CCDC77: variants seen among roughly 807,000 people sequenced by gnomAD.
The protein encoded by CCDC77 is coiled-coil domain-containing protein 77.
A neutral mutation model predicts 66.8 loss-of-function variants in CCDC77; 56 were observed. That is an observed-to-expected ratio of 0.84 (90% confidence interval 0.68 to 1.05). The LOEUF (loss-of-function observed/expected upper bound fraction) is 1.05, where lower values mean the gene tolerates loss of function less well. Among genes scored for constraint, CCDC77 ranks in the 50% least tolerant of loss-of-function variants. The probability of loss-of-function intolerance (pLI) is 0.00; values close to 1 mark genes in which losing one functional copy is unlikely to be tolerated. For synonymous variants in CCDC77, 196 were observed against 195.2 expected (o/e 1.00, Z -0.03); for missense variants, 570 against 576.8 (o/e 0.99, Z 0.12).
At chr12:408,955 C>T (rs891479730) in intron 2 of CCDC77, among the ~76,000 whole-genome samples, 6 of 152,060 alleles carry the variant, frequency 3.9e-5, no homozygotes, top group African/African-American at 1.2e-4. Context: ...CCTGTAATCC[C>T]AGCACTTTGG....
chr12:397,278 G>A (rs1944840149), upstream of CCDC77, among the ~76,000 whole-genome samples: 2 of 152,038 alleles, frequency 1.3e-5, no homozygotes, highest in Non-Finnish European at 2.9e-5. Context: ...GACACATAGT[G>A]GAAATAAATA....
intron 7 of CCDC77, 141 bp downstream of exon 7, chr12:430,877 G>C (rs762665175): frequency 4.6e-6 from 3 of 648,684 alleles, no homozygotes; most frequent in Non-Finnish European, 8.4e-6. Context: ...TCAGGAGTTC[G>C]AGACCAGCCT....
intron 3 of CCDC77, among the ~76,000 whole-genome samples, chr12:411,376 C>T (rs1945106355): frequency 1.3e-5 from 2 of 150,800 alleles, no homozygotes; most frequent in South Asian, 4.2e-4. Context: ...GACGGGGTTT[C>T]ACCATGTTGC....
intron 2 of CCDC77, among the ~76,000 whole-genome samples, chr12:406,682 C>A (rs1192042349): frequency 6.6e-6 from 1 of 152,202 alleles, no homozygotes; most frequent in Non-Finnish European, 1.5e-5. Context: ...CGTGGTGACT[C>A]ATGCCTGTAA....
intron 1 of CCDC77, among the ~76,000 whole-genome samples, chr12:393,020 C>CCATT (rs3043227): frequency 0.74 from 112,065 of 151,364 alleles, 41,578 homozygotes; most frequent in East Asian, 0.84. Context: ...ATCTGTTTCT[C>CCATT]CAACCCGTTA....
chr12:434,048 G>C (rs1209019235), intron 9 of CCDC77, among the ~76,000 whole-genome samples: 1 of 152,006 alleles, frequency 6.6e-6, no homozygotes. Flanking sequence ...CACACACGCA[G>C]GACGTAGAAC....
intron 1 of CCDC77, among the ~76,000 whole-genome samples, chr12:395,834 C>T (rs1381517922): frequency 6.6e-6 from 1 of 152,112 alleles, no homozygotes; most frequent in African/African-American, 2.4e-5. Context: ...GCAGAGGTTG[C>T]AGTGGGCTGA....
At chr12:434,315 G>A (rs1030661244) in intron 9 of CCDC77, among the ~76,000 whole-genome samples, 1 of 151,392 alleles carries the variant, frequency 6.6e-6, no homozygotes, top group Non-Finnish European at 1.5e-5. Flanking sequence ...GCCCTTTCTG[G>A]GGTTCTGGGG....
intron 5 of CCDC77, among the ~76,000 whole-genome samples, chr12:423,711 G>A (rs1199978260): frequency 6.6e-6 from 1 of 151,846 alleles, no homozygotes; most frequent in Non-Finnish European, 1.5e-5. Flanking sequence ...TGCCCAGGCT[G>A]GTCTCACACT....
At chr12:411,676 T>G in intron 3 of CCDC77, 71 bp from the exon 4 acceptor site, 1 of 1,277,918 alleles carries the variant, frequency 7.8e-7, no homozygotes, top group Non-Finnish European at 1.1e-6. Context: ...AAAACCCCCT[T>G]TTATTTAGGA....
At chr12:389,390 C>T (rs557704157) in exon 1 of CCDC77, 16 of 557,304 alleles carry the variant, frequency 2.9e-5, no homozygotes, top group Non-Finnish European at 5.2e-5. Context: ...TCTGGCCTTT[C>T]CTTCTTCTTC....
intron 5 of CCDC77, among the ~76,000 whole-genome samples, chr12:419,641 C>T (rs1945364036): frequency 9.1e-6 from 1 of 110,118 alleles, no homozygotes; most frequent in African/African-American, 3.2e-5. Flanking sequence ...TGCTCCATTA[C>T]AGTGCTCTTC....
rs144003979 is a variant in CCDC77, at chr12:441,150, A to T, written c.1320+154A>T. ...AAGCCTCCCTGAAAATTAGTTCAAG[A>T]ACATGCTAGAGGGAAAATAAAAAGA... On this transcript the variant is annotated intron_variant, in intron 12 of 12. Transcript: ENST00000239830. 2.6e-5 allele frequency among the ~76,000 whole-genome samples: 4 copies of T among 152,326 alleles called. No individual in the cohort carries two copies. The East Asian group carries it at 7.7e-4, about 29-fold the overall frequency.
intron 3 of CCDC77, 117 bp from the exon 4 acceptor site, chr12:411,630 T>A (rs1945113230): frequency 1.2e-6 from 1 of 860,790 alleles, no homozygotes; most frequent in African/African-American, 1.7e-5. Context: ...ACTTCCAAAT[T>A]TATGAGCACC....
chr12:409,338 C>A, intron 2 of CCDC77, 30 bp from the exon 3 acceptor site: 4 of 1,548,360 alleles, frequency 2.6e-6, no homozygotes, highest in Non-Finnish European at 3.6e-6. Flanking sequence ...ATTCGTGGCC[C>A]GTAATTATGA....
chr12:435,116 CTTCT>C (rs942263297), intron 9 of CCDC77, among the ~76,000 whole-genome samples: 4 of 108,876 alleles, frequency 3.7e-5, no homozygotes, highest in Non-Finnish European at 5.6e-5. Context: ...CTCAAGCCTA[CTTCT>C]TTCTGTTTTT....
In CCDC77 at chr12:409,416, C is replaced by T. The variant is rs2137544856; in HGVS notation, c.33C>T (p.Cys11=). The T allele has an allele frequency of 6.2e-7, 1 of 1,612,944 alleles. No individual in the cohort carries two copies. Among genetic ancestry groups the T allele is most frequent in the Middle Eastern group, 1.7e-4 (1 of 6,060 alleles). ...TTACCCCAACACACACCCCTGTCTG[C>T]AGAAAGTAAGACATTTGCTTATTTT... MNFTPTHTPV[C]RKRTVVSKRG... is the part of the protein sequence containing the mutation. Residue 11 remains cysteine, a synonymous_variant, in exon 3 of 13, where the codon TGC becomes TGT. Transcript: ENST00000239830.
chr12:424,782 AC>A (rs1353134945), intron 5 of CCDC77, among the ~76,000 whole-genome samples: 3 of 151,968 alleles, frequency 2.0e-5, no homozygotes, highest in Non-Finnish European at 4.4e-5. Flanking sequence ...TTTAGCTCTT[AC>A]GTCTAGGTCT....
chr12:393,602 GC>G (rs1944789174), intron 1 of CCDC77, among the ~76,000 whole-genome samples: 2 of 151,200 alleles, frequency 1.3e-5, no homozygotes, highest in African/African-American at 4.9e-5. Context: ...TGCGATCTCA[GC>G]TCATTGCAAC....
Sources: gnomAD v4.1 joint callset for allele counts (sites outside exome capture counted in the v4.1 genomes callset) on GRCh38, gnomAD v4.1.1 for gene constraint, MANE v1.5 for transcripts, NCBI Gene and HGNC (gene_info 2026-07-23, HGNC 2026-07-21) for gene names.